Variants in TMEFF2 observed in about 807,000 individuals in gnomAD.
The protein encoded by TMEFF2 is tomoregulin-2.
Under a neutral mutation model 53.8 loss-of-function variants are expected in TMEFF2, and 28 were observed. The observed-to-expected ratio is 0.52, with a 90% CI of 0.39 to 0.71. TMEFF2 has a LOEUF of 0.71. Among genes scored for constraint, TMEFF2 ranks in the 30% least tolerant of loss-of-function variants. TMEFF2 has a pLI of 0.00. For missense variants in TMEFF2, 353 were observed against 455.2 expected (o/e 0.78, Z 2.04); for synonymous variants, 162 against 166.3 (o/e 0.97, Z 0.20).
At chr2:191,975,392 A>G (rs1164164022) in intron 7 of TMEFF2, among the ~76,000 whole-genome samples, 1 of 147,170 alleles carries the variant, frequency 6.8e-6, no homozygotes, top group African/African-American at 2.4e-5. Context: ...TCTTGTAGTA[A>G]ACATGTGTAA....
At chr2:191,964,543 T>C (rs1262658468) in intron 7 of TMEFF2, among the ~76,000 whole-genome samples, 1 of 151,614 alleles carries the variant, frequency 6.6e-6, no homozygotes, top group Non-Finnish European at 1.5e-5. Context: ...TTCTTGTATC[T>C]TCAACTCTTC....
chr2:191,951,452 A>AAGAAGGAGAAGAGAT (rs918433385), intron 9 of TMEFF2, among the ~76,000 whole-genome samples: 2 of 139,698 alleles, frequency 1.4e-5, no homozygotes, highest in Non-Finnish European at 3.3e-5. Context: ...AGAAAGTAGA[A>AAGAAGGAGAAGAGAT]AGAAGGAGAA....
chr2:191,978,842 A>G (rs375709318), intron 7 of TMEFF2, among the ~76,000 whole-genome samples: 2 of 152,212 alleles, frequency 1.3e-5, no homozygotes, highest in African/African-American at 2.4e-5. Context: ...TTTTCTTCTT[A>G]TGGTGAATTC....
chr2:192,077,751 A>G (rs1232192336), intron 4 of TMEFF2, among the ~76,000 whole-genome samples: 1 of 152,066 alleles, frequency 6.6e-6, no homozygotes, highest in Non-Finnish European at 1.5e-5. Flanking sequence ...TATATAAATG[A>G]ACATATGTGT....
rs1171375239 is a variant in TMEFF2 at position 192,167,238 on chromosome 2, A to G, written c.439+12430T>C. ...AATAAAATATCTAATGGCAGCATTA[A>G]ATGCTATTTTAGATGGGTGAGAAAT... On this transcript the variant is annotated intron_variant, in intron 4 of 9. Transcript: ENST00000272771. 7.2e-5 allele frequency among the ~76,000 whole-genome samples: 11 copies of G among 152,178 alleles called. No individual in the cohort carries two copies. In the East Asian group the frequency reaches 2.1e-3, roughly 29 times the overall value.
chr2:192,034,737 T>C (rs761678324), intron 5 of TMEFF2: 1 of 152,208 alleles, frequency 6.6e-6, no homozygotes, highest in Non-Finnish European at 1.5e-5. Flanking sequence ...AACTGTTCTC[T>C]CGATTTTCTG....
intron 4 of TMEFF2, among the ~76,000 whole-genome samples, chr2:192,134,040 C>G (rs1367761084): frequency 6.6e-6 from 1 of 152,186 alleles, no homozygotes; most frequent in Non-Finnish European, 1.5e-5. Context: ...ACTGTTTTAG[C>G]CTAGCCATCA....
At chr2:192,084,612 G>A (rs1008264359) in intron 4 of TMEFF2, among the ~76,000 whole-genome samples, 1 of 152,068 alleles carries the variant, frequency 6.6e-6, no homozygotes, top group African/African-American at 2.4e-5. Context: ...TTTCAAACAT[G>A]CTTATATGTT....
chr2:192,116,095 A>G (rs997989392), intron 4 of TMEFF2, among the ~76,000 whole-genome samples: 2 of 152,052 alleles, frequency 1.3e-5, no homozygotes, highest in South Asian at 4.1e-4. Flanking sequence ...GTGTCCATCA[A>G]CAGGTGAATG....
intron 9 of TMEFF2, 80 bp from the exon 10 acceptor site, chr2:191,950,487 T>A: frequency 6.5e-7 from 1 of 1,545,800 alleles, no homozygotes; most frequent in African/African-American, 1.4e-5. Flanking sequence ...AATAAAGATG[T>A]GGATTAAGCA....
chr2:192,057,617 G>A (rs1333222181), intron 5 of TMEFF2, 62 bp downstream of exon 5: 1 of 1,323,668 alleles, frequency 7.6e-7, no homozygotes, highest in African/African-American at 1.5e-5. Flanking sequence ...ATGGTTGATG[G>A]TGTTAAAAAG....
At chr2:192,168,337 C>A (rs183967937) in intron 4 of TMEFF2, among the ~76,000 whole-genome samples, 80 of 152,044 alleles carry the variant, frequency 5.3e-4, no homozygotes, top group African/African-American at 1.8e-3. Flanking sequence ...CTGCCACCCA[C>A]CCCCCACAAC....
At chr2:192,183,643 GCCCCATTTTAAAGCATT>G (rs1205769006) in intron 3 of TMEFF2, among the ~76,000 whole-genome samples, 1 of 151,942 alleles carries the variant, frequency 6.6e-6, no homozygotes, top group Non-Finnish European at 1.5e-5. Flanking sequence ...TGAAAACTCA[GCCCCATTTTAAAGCATT>G]CCCCATTTTA....
chr2:192,093,064 A>T (rs1309465930), intron 4 of TMEFF2, among the ~76,000 whole-genome samples: 2 of 152,140 alleles, frequency 1.3e-5, no homozygotes, highest in Admixed American at 1.3e-4. Flanking sequence ...CCTTCTCTTG[A>T]TATTTCTCCA....
chr2:192,161,952 G>T (rs1690644420), intron 4 of TMEFF2, among the ~76,000 whole-genome samples: 1 of 152,160 alleles, frequency 6.6e-6, no homozygotes, highest in South Asian at 2.1e-4. Context: ...CATATTAAAG[G>T]TTCTAAAATT....
intron 4 of TMEFF2, among the ~76,000 whole-genome samples, chr2:192,086,580 G>T (rs1232720872): frequency 6.6e-6 from 1 of 152,106 alleles, no homozygotes; most frequent in Middle Eastern, 3.4e-3. Context: ...AGATGAGGTG[G>T]TGTTCATGGG....
At chr2:191,988,260 C>G (rs1364446290) in intron 7 of TMEFF2, among the ~76,000 whole-genome samples, 1 of 152,144 alleles carries the variant, frequency 6.6e-6, no homozygotes, top group Non-Finnish European at 1.5e-5. Flanking sequence ...TTGGTTGTTT[C>G]TCATGCTTCT....
intron 4 of TMEFF2, among the ~76,000 whole-genome samples, chr2:192,075,330 T>TATATATATATATATATAC (rs1559115271): frequency 9.9e-6 from 1 of 100,980 alleles, no homozygotes; most frequent in Admixed American, 1.1e-4. Context: ...TATATATATA[T>TATATATATATATATATAC]ATACATACAT....
rs1211327782 is a variant in TMEFF2 at position 191,956,073 on chromosome 2, G to GT, written c.869+181dup. On this transcript the variant is annotated intron_variant, in intron 8 of 9. Transcript: ENST00000272771. Reference sequence around the variant, plus strand: ...GAGTGTGTAAGGTGCACATATTTTTGTTTTTTTTTAGTGTGTGAGTATGTG... The same window carrying GT: ...GAGTGTGTAAGGTGCACATATTTTTGTTTTTTTTTTAGTGTGTGAGTATGTG... Among the ~76,000 whole-genome samples the GT allele has an allele frequency of 2.6e-3, 189 of 72,718 alleles. No individual in the cohort carries two copies. The East Asian group carries it at 0.07, about 27-fold the overall frequency. 47.7% of individuals were successfully genotyped at this position (72,718 alleles called of 152,430 possible).
Sources: allele counts gnomAD v4.1 joint callset (sites outside exome capture counted in the v4.1 genomes callset), GRCh38; gene constraint gnomAD v4.1.1; transcripts MANE v1.5; gene names NCBI Gene and HGNC (gene_info 2026-07-23, HGNC 2026-07-21).